The following SLC8A1 variants were observed in gnomAD, a reference collection of about 807,000 sequenced individuals.
SLC8A1 encodes the protein sodium/calcium exchanger 1.
SLC8A1 carries 18 observed loss-of-function variants against 68.3 expected under a neutral mutation model. That is an observed-to-expected ratio of 0.26 (90% CI 0.18 to 0.39). The LOEUF (loss-of-function observed/expected upper bound fraction) is 0.39. SLC8A1 is among the 10% of genes least tolerant of loss of function. The pLI is 1.00. For synonymous variants in SLC8A1, 475 were observed against 415.5 expected, an observed-to-expected ratio of 1.14 and a Z score of -1.74; for missense variants, 985 against 1,156.7, an observed-to-expected ratio of 0.85 and a Z score of 2.15.
At chr2:40,469,636 T>C (rs938345975) in intron 1 of SLC8A1, among the ~76,000 whole-genome samples, 1 of 152,164 alleles carries the variant, frequency 6.6e-6, no homozygotes, top group Non-Finnish European at 1.5e-5. Flanking sequence ...AAATCAAGTT[T>C]TTGTTCCATC....
At chr2:40,346,979 T>G (rs1469734542) in intron 2 of SLC8A1, among the ~76,000 whole-genome samples, 1 of 152,170 alleles carries the variant, frequency 6.6e-6, no homozygotes, top group East Asian at 1.9e-4. Context: ...CCTGCTTATT[T>G]CATTTTCTGT....
At chr2:40,476,887 A>C (rs775173153) in intron 1 of SLC8A1, among the ~76,000 whole-genome samples, 1 of 152,174 alleles carries the variant, frequency 6.6e-6, no homozygotes, top group Non-Finnish European at 1.5e-5. Context: ...TTCAATAGTG[A>C]GTCTTGTTCT....
intron 2 of SLC8A1, among the ~76,000 whole-genome samples, chr2:40,244,216 A>ACTC (rs1004261295): frequency 1.3e-5 from 2 of 152,004 alleles, no homozygotes; most frequent in Non-Finnish European, 2.9e-5. Context: ...AATACACTGC[A>ACTC]CTCTTGGTTT....
chr2:40,497,976 G>A (rs1705817562), intron 1 of SLC8A1, among the ~76,000 whole-genome samples: 1 of 152,004 alleles, frequency 6.6e-6, no homozygotes, highest in Non-Finnish European at 1.5e-5. Context: ...AATATAAGAG[G>A]CAGATGGTAA....
At chr2:40,139,541 G>A (rs1191275018) in exon 7 of SLC8A1, 22 of 1,613,994 alleles carry the variant, frequency 1.4e-5, no homozygotes, top group South Asian at 2.2e-5. Flanking sequence ...AATGAAACAC[G>A]CCCAGCCATT....
At chr2:40,375,473 A>G (rs1389995790) in intron 2 of SLC8A1, among the ~76,000 whole-genome samples, 1 of 152,138 alleles carries the variant, frequency 6.6e-6, no homozygotes, top group Non-Finnish European at 1.5e-5. Flanking sequence ...TTTTAATTGG[A>G]TAGTTTTATT....
chr2:40,357,702 G>A (rs913415840), intron 2 of SLC8A1, among the ~76,000 whole-genome samples: 2 of 151,872 alleles, frequency 1.3e-5, no homozygotes, highest in African/African-American at 4.8e-5. Context: ...TTAAAAAAAG[G>A]AACCTCCTCT....
chr2:40,325,869 T>G (rs1413647202), intron 2 of SLC8A1, among the ~76,000 whole-genome samples: 2 of 151,756 alleles, frequency 1.3e-5, no homozygotes, highest in Admixed American at 6.6e-5. Context: ...CGATATTTCT[T>G]TAAGTTTCAC....
intron 1 of SLC8A1, among the ~76,000 whole-genome samples, chr2:40,442,425 A>G (rs1189015390): frequency 2.0e-5 from 3 of 151,556 alleles, no homozygotes; most frequent in Non-Finnish European, 2.9e-5. Flanking sequence ...AAAAACATCA[A>G]AAAGTGGACA....
chr2:40,152,385 C>T (rs1281244758), intron 6 of SLC8A1, among the ~76,000 whole-genome samples: 1 of 152,042 alleles, frequency 6.6e-6, no homozygotes, highest in South Asian at 2.1e-4. Context: ...AGGCGTGAGA[C>T]TTGTAGTTTG....
At chr2:40,314,702 T>TACA (rs2074207377) in intron 2 of SLC8A1, among the ~76,000 whole-genome samples, 1 of 152,068 alleles carries the variant, frequency 6.6e-6, no homozygotes, top group East Asian at 1.9e-4. Flanking sequence ...ATTTTCAGTG[T>TACA]ACAAGTCTTG....
chr2:40,354,074 G>A (rs753095366), intron 2 of SLC8A1, among the ~76,000 whole-genome samples: 1 of 152,190 alleles, frequency 6.6e-6, no homozygotes, highest in Admixed American at 6.5e-5. Flanking sequence ...GGGGTTGCAA[G>A]TCAAATAATA....
At chr2:40,369,885 T>TAA (rs11383290) in intron 2 of SLC8A1, among the ~76,000 whole-genome samples, 9 of 151,758 alleles carry the variant, frequency 5.9e-5, no homozygotes, top group Admixed American at 2.0e-4. Context: ...ACCAAAAAAA[T>TAA]AAAAAAACTG....
chr2:40,240,081 A>C (rs1269474186), intron 2 of SLC8A1, among the ~76,000 whole-genome samples: 1 of 152,216 alleles, frequency 6.6e-6, no homozygotes, highest in African/African-American at 2.4e-5. Context: ...CTTAGCTTAA[A>C]ACTATCTGAT....
chr2:40,296,533 A>G (rs1419710271), intron 2 of SLC8A1, among the ~76,000 whole-genome samples: 2 of 152,194 alleles, frequency 1.3e-5, no homozygotes, highest in African/African-American at 4.8e-5. Flanking sequence ...TTTATTTGTA[A>G]TCCAATTTGT....
upstream of SLC8A1, chr2:40,453,404 C>T (rs1325555806): frequency 6.6e-6 from 1 of 152,128 alleles, no homozygotes; most frequent in African/African-American, 2.4e-5. Context: ...TCCCCCCATA[C>T]TTACAGTGCA....
At chr2:40,099,213 A>C (rs2033752557) in exon 8 of SLC8A1, 1 of 152,080 alleles carries the variant, frequency 6.6e-6, no homozygotes, top group African/African-American at 2.4e-5. Context: ...AACACACTGA[A>C]AGAATGTGCT....
At chr2:40,357,971 T>TC (rs1673260700) in intron 2 of SLC8A1, among the ~76,000 whole-genome samples, 1 of 141,622 alleles carries the variant, frequency 7.1e-6, no homozygotes, top group Non-Finnish European at 1.5e-5. Context: ...GATGTGTTTG[T>TC]ATAAAAAGGG....
At chr2:40,309,270 G>A (rs1196757249) in intron 2 of SLC8A1, among the ~76,000 whole-genome samples, 1 of 152,082 alleles carries the variant, frequency 6.6e-6, no homozygotes, top group African/African-American at 2.4e-5. Context: ...CAGGAATAAA[G>A]TTTGTAGATA....
Sources: allele counts gnomAD v4.1 joint callset (sites outside exome capture counted in the v4.1 genomes callset), GRCh38; gene constraint gnomAD v4.1.1; transcripts MANE v1.5; gene names NCBI Gene and HGNC (gene_info 2026-07-23, HGNC 2026-07-21).